Variants in PPTC7 observed in about 807,000 individuals in gnomAD.
PPTC7 encodes protein phosphatase targeting COQ7, also known as protein phosphatase PTC7 homolog.
PPTC7 carries 6 observed loss-of-function variants against 30.8 expected under a neutral mutation model. The observed-to-expected ratio is 0.19, with a 90% CI of 0.11 to 0.38. The LOEUF (loss-of-function observed/expected upper bound fraction) is 0.38, where lower values mean the gene tolerates loss of function less well. PPTC7 is among the 10% of genes least tolerant of loss of function. The probability of loss-of-function intolerance (pLI) is 1.00; values close to 1 mark genes in which losing one functional copy is unlikely to be tolerated. For missense variants in PPTC7, 218 were observed against 404.8 expected, an observed-to-expected ratio of 0.54 and a Z score of 3.96; for synonymous variants, 163 against 168.1, an observed-to-expected ratio of 0.97 and a Z score of 0.23.
At chr12:110,572,758 A>T (rs2064549470) in intron 1 of PPTC7, among the ~76,000 whole-genome samples, 1 of 152,212 alleles carries the variant, frequency 6.6e-6, no homozygotes. Flanking sequence ...TAAATTCTTA[A>T]GTGAGACAGA....
rs540353800 is a variant in PPTC7 at position 110,567,837 on chromosome 12, T to C, written c.223+14972A>G. On this transcript the variant is annotated intron_variant, in intron 1 of 5. Coordinates refer to ENST00000354300, the MANE Select transcript of PPTC7 (RefSeq NM_139283.2). ...AAGGATACACAGAAACTAGTACTGG[T>C]TGCCTCTTGAGAGGACTTTGTAGCT... is the stretch of plus-strand genomic sequence containing the variant. 9.8e-5 allele frequency among the ~76,000 whole-genome samples: 15 copies of C among 152,332 alleles called. No homozygotes were observed. The South Asian group carries it at 2.9e-3, about 29-fold the overall frequency.
chr12:110,579,823 G>A (rs995258733), intron 1 of PPTC7, among the ~76,000 whole-genome samples: 3 of 152,044 alleles, frequency 2.0e-5, no homozygotes, highest in Non-Finnish European at 4.4e-5. Flanking sequence ...GTACAGCCTG[G>A]CCAACATGAT....
chr12:110,560,149 C>G (rs1418001144), intron 1 of PPTC7, among the ~76,000 whole-genome samples: 2 of 152,070 alleles, frequency 1.3e-5, no homozygotes, highest in Admixed American at 6.5e-5. Flanking sequence ...CCTGTAATCC[C>G]AGCATATTGG....
intron 1 of PPTC7, among the ~76,000 whole-genome samples, chr12:110,564,111 G>A (rs1277556231): frequency 1.3e-5 from 2 of 152,182 alleles, no homozygotes; most frequent in Non-Finnish European, 2.9e-5. Flanking sequence ...CAGAGTTGAA[G>A]GTTAAGTTAC....
rs1161708215 is a variant in PPTC7 at position 110,534,192 on chromosome 12, T to C, written c.*2845A>G. On this transcript the variant is annotated 3_prime_UTR_variant, in exon 6 of 6. Coordinates refer to ENST00000354300, the MANE Select transcript of PPTC7 (RefSeq NM_139283.2). ...AAATAAGGTTCTGATATGTTTAGAG[T>C]GCACATTTTAAAACAACAAAATAAA... 1 of 151,674 alleles carries C rather than the reference T, an allele frequency of 6.6e-6. No individual in the cohort carries two copies. Among genetic ancestry groups the C allele is most frequent in the Non-Finnish European group, 1.5e-5 (1 of 67,930 alleles). The allele number at this position is 151,674 out of a possible 1,614,324, so 9.4% of individuals were successfully genotyped here. A position where few individuals can be genotyped will look rare whatever the true frequency, so the allele number is the denominator to read the frequency against.
chr12:110,537,406 T>G (rs563664941), intron 5 of PPTC7, among the ~76,000 whole-genome samples: 1 of 152,194 alleles, frequency 6.6e-6, no homozygotes, highest in Non-Finnish European at 1.5e-5. Context: ...GAAAGTTACA[T>G]GCTTCTATAC....
At chr12:110,550,128 G>A (rs1348608576) in intron 2 of PPTC7, among the ~76,000 whole-genome samples, 2 of 151,656 alleles carry the variant, frequency 1.3e-5, no homozygotes, top group Non-Finnish European at 2.9e-5. Flanking sequence ...ACAGAAGACA[G>A]CAGACTGATA....
intron 3 of PPTC7, among the ~76,000 whole-genome samples, chr12:110,542,323 C>A (rs1340750582): frequency 1.3e-5 from 2 of 150,864 alleles, no homozygotes; most frequent in Non-Finnish European, 2.9e-5. Flanking sequence ...CAGAAAGACA[C>A]ACAGACATGG....
chr12:110,540,320 CCT>C (rs1491215866), intron 3 of PPTC7, among the ~76,000 whole-genome samples: 10 of 85,212 alleles, frequency 1.2e-4, no homozygotes, highest in African/African-American at 3.4e-4. Context: ...TCCCCCCCCG[CCT>C]TTTTTTTTTT....
intron 1 of PPTC7, among the ~76,000 whole-genome samples, chr12:110,575,607 CAAAAAAAAAAAAAAAAA>C: frequency 3.8e-5 from 1 of 26,540 alleles, no homozygotes; most frequent in South Asian, 2.4e-3. Flanking sequence ...AACCCCACCT[CAAAAAAAAAAAAAAAAA>C]AAAAAAAAAA....
intron 1 of PPTC7, among the ~76,000 whole-genome samples, chr12:110,572,183 C>T (rs1300007763): frequency 1.3e-5 from 2 of 152,210 alleles, no homozygotes; most frequent in Admixed American, 1.3e-4. Flanking sequence ...GCTCACCTCA[C>T]ACCTGTAATC....
Position 110,583,149 on chromosome 12 carries a change from G to T in PPTC7, c.-118C>A. 1 of 646,298 alleles carries T rather than the reference G, an allele frequency of 1.5e-6. No homozygotes were observed. The highest frequency in any genetic ancestry group is 2.1e-6 in the Non-Finnish European group (1 of 476,108). The allele number at this position is 646,298 out of a possible 1,614,324, so 40.0% of individuals were successfully genotyped here. A position where few individuals can be genotyped will look rare whatever the true frequency, so the allele number is the denominator to read the frequency against. On this transcript the variant is annotated 5_prime_UTR_variant, in exon 1 of 6. Transcript: ENST00000354300. ...CGCCGCTGGGGCGCTCCTCAGGGCG[G>T]CGCGCAGTGGCCGCCGCCGCCCCTG... is the stretch of plus-strand genomic sequence containing the variant.
chr12:110,537,858 A>C (rs1014462290), intron 5 of PPTC7, among the ~76,000 whole-genome samples: 1 of 152,222 alleles, frequency 6.6e-6, no homozygotes, highest in Non-Finnish European at 1.5e-5. Flanking sequence ...CAGAGCTCGG[A>C]AGCCTTTTGG....
chr12:110,555,267 C>A (rs1039205992), intron 1 of PPTC7, among the ~76,000 whole-genome samples: 2 of 152,166 alleles, frequency 1.3e-5, no homozygotes, highest in Non-Finnish European at 2.9e-5. Context: ...CTTTCCCCAC[C>A]TATGTGACCA....
intron 3 of PPTC7, among the ~76,000 whole-genome samples, chr12:110,544,559 G>A (rs559169971): frequency 6.6e-5 from 10 of 152,332 alleles, no homozygotes; most frequent in Non-Finnish European, 1.5e-4. Context: ...ATTTTGGCTG[G>A]GCGCAGTGGC....
chr12:110,557,334 G>C (rs1002596185), intron 1 of PPTC7, among the ~76,000 whole-genome samples: 12 of 152,136 alleles, frequency 7.9e-5, no homozygotes, highest in African/African-American at 2.9e-4. Context: ...TGGAGTAGTG[G>C]CCTGATCATA....
intron 2 of PPTC7, 87 bp from the exon 3 acceptor site, chr12:110,546,165 C>A: frequency 9.5e-7 from 1 of 1,057,688 alleles, no homozygotes; most frequent in Non-Finnish European, 1.4e-6. Context: ...CAGAGCAACA[C>A]ACCATAATTT....
rs114455807 is a variant in PPTC7 at position 110,556,737 on chromosome 12, A to G, written c.224-4769T>C. 5.9e-3 allele frequency among the ~76,000 whole-genome samples: 900 copies of G among 152,344 alleles called. 3 individuals are homozygous for G. Among genetic ancestry groups the G allele is most frequent in the African/African-American group, 0.021 (861 of 41,576 alleles). ...CACATTGTGCATGCTGCGCTAGGAA[A>G]TAAGACGGCTGAGAAAGCCGGTCTC... On this transcript the variant is annotated intron_variant, in intron 1 of 5. Transcript: ENST00000354300.
At position 110,572,836 on chromosome 12, in the gene PPTC7, T is replaced by G. The variant is rs139632824; in HGVS notation, c.223+9973A>C. ...ACAGTTGGGAAAGTAATATATAACC[T>G]TTCTGGAGGACCTATCGTAATCTTT... is the stretch of plus-strand genomic sequence containing the variant. On this transcript the variant is annotated intron_variant, in intron 1 of 5. Coordinates refer to ENST00000354300, the MANE Select transcript of PPTC7 (RefSeq NM_139283.2). Among the ~76,000 whole-genome samples the G allele has an allele frequency of 6.9e-3, 1,045 of 152,270 alleles. 2 individuals carry two copies. Among genetic ancestry groups the G allele is most frequent in the Non-Finnish European group, 9.4e-3 (639 of 68,024 alleles).
Sources: allele counts gnomAD v4.1 joint callset (sites outside exome capture counted in the v4.1 genomes callset), GRCh38; gene constraint gnomAD v4.1.1; transcripts MANE v1.5; gene names NCBI Gene and HGNC (gene_info 2026-07-23, HGNC 2026-07-21).